The following GARNL3 variants were observed in gnomAD, a reference collection of about 807,000 sequenced individuals.
GARNL3 encodes the protein GTPase activating Rap/RanGAP domain like 3.
GARNL3 carries 63 observed loss-of-function variants against 125.0 expected under a neutral mutation model. The ratio of observed to expected loss-of-function variants is 0.50; its 90% CI spans 0.41 to 0.62. The LOEUF is 0.62. Among genes scored for constraint, GARNL3 ranks in the 20% least tolerant of loss-of-function variants. The pLI is 0.00. For missense variants in GARNL3, 994 were observed against 1,244.0 expected (o/e 0.80, Z 3.02); for synonymous variants, 439 against 457.5 (o/e 0.96, Z 0.52).
chr9:127,306,746 G>C lies in GARNL3; in HGVS notation c.220-4890G>C, dbSNP rs936124248. Among the ~76,000 whole-genome samples the C allele has an allele frequency of 4.0e-5, 6 of 151,498 alleles. No individual in the cohort carries two copies. In the South Asian group the frequency reaches 1.3e-3, roughly 32 times the overall value. On this transcript the variant is annotated intron_variant, in intron 2 of 27. Transcript: ENST00000373387. ...TGTCTCAAAAAAAAAAAAAAAGCTG[G>C]TGTGGTGGCACACACCTGTAATCCT...
intron 1 of GARNL3, among the ~76,000 whole-genome samples, chr9:127,231,228 G>GTTT (rs34963289): frequency 0.024 from 2,393 of 100,450 alleles, 95 homozygotes; most frequent in South Asian, 0.046. Flanking sequence ...CTAATTTTTT[G>GTTT]TTTTTTTTTT....
intron 17 of GARNL3, among the ~76,000 whole-genome samples, chr9:127,349,913 C>T (rs1588907285): frequency 6.6e-6 from 1 of 152,176 alleles, no homozygotes; most frequent in Admixed American, 6.5e-5. Context: ...ACATAATGGC[C>T]TAAAACTGTG....
At chr9:127,293,845 A>G (rs2064501105) in intron 2 of GARNL3, among the ~76,000 whole-genome samples, 1 of 152,230 alleles carries the variant, frequency 6.6e-6, no homozygotes, top group South Asian at 2.1e-4. Flanking sequence ...CTTTTGCCAG[A>G]TAGATACCTT....
chr9:127,266,319 G>A lies in GARNL3; in HGVS notation c.144+1298G>A, dbSNP rs2063705228. On this transcript the variant is annotated intron_variant, in intron 1 of 27. Transcript: ENST00000373387. This position sits in a 1 kb window ranked among gnomAD's most constrained non-coding sequence, Gnocchi z 4.0. ...GAGAGCTGTGGGATGTGGATTGGTG[G>A]CAGAGAGGATAGACAGTAGGTATGA... Among the ~76,000 whole-genome samples, 2 of 152,330 alleles carry A rather than the reference G, an allele frequency of 1.3e-5. No homozygotes were observed. The highest frequency in any genetic ancestry group is 3.9e-4 in the East Asian group (2 of 5,178).
At chr9:127,265,132 G>C in intron 1 of GARNL3, 111 bp downstream of exon 1, 1 of 823,004 alleles carries the variant, frequency 1.2e-6, no homozygotes, top group Non-Finnish European at 1.8e-6. Flanking sequence ...TGTGGGTACA[G>C]TGTAAGGATT....
chr9:127,266,434 C>T lies in GARNL3; in HGVS notation c.144+1413C>T, dbSNP rs576535950. Among the ~76,000 whole-genome samples the T allele has an allele frequency of 2.4e-4, 37 of 152,324 alleles. No homozygotes were observed. The highest frequency in any genetic ancestry group is 3.4e-3 in the Middle Eastern group (1 of 294). ...AAGAGCTTTGTAATTACAAAGCAAG[C>T]AAGCTTTGGAATCAGGTAGGCCTGG... is the stretch of plus-strand genomic sequence containing the variant. On this transcript the variant is annotated intron_variant, in intron 1 of 27. Transcript: ENST00000373387. The surrounding 1 kb of genome is among the most constrained non-coding windows in gnomAD (Gnocchi z 4.0).
intron 21 of GARNL3, 46 bp from the exon 22 acceptor site, chr9:127,365,254 G>T (rs372864167): frequency 1.9e-5 from 28 of 1,502,020 alleles, no homozygotes; most frequent in Non-Finnish European, 2.4e-5. Context: ...CTTTTCACAG[G>T]GTCAGCATCC....
intron 7 of GARNL3, among the ~76,000 whole-genome samples, chr9:127,326,270 C>T (rs2065569189): frequency 6.6e-6 from 1 of 152,068 alleles, no homozygotes; most frequent in South Asian, 2.1e-4. Flanking sequence ...ATAAAAGCAC[C>T]ATGAGAGCGG....
At chr9:127,373,165 T>G (rs896469672) in intron 22 of GARNL3, among the ~76,000 whole-genome samples, 1 of 152,190 alleles carries the variant, frequency 6.6e-6, no homozygotes, top group African/African-American at 2.4e-5. Flanking sequence ...ACTCATAGAT[T>G]GCAAGTCCCA....
rs373539235 is a variant in GARNL3 at position 127,355,506 on chromosome 9, C to T, written c.1935+34C>T. 3.1e-6 allele frequency: 5 copies of T among 1,600,830 alleles called. No homozygotes were observed. The African/African-American group carries it at 5.4e-5, about 17-fold the overall frequency. The stretch of plus-strand genomic sequence containing the variant: ...GCTCTTTAAATCATTTATCTCCCAA[C>T]CAAGTTGTCTTGAAGCAGACTCTGT... On this transcript the variant is annotated intron_variant, in intron 20 of 27. Coordinates refer to ENST00000373387, the MANE Select transcript of GARNL3 (RefSeq NM_032293.5).
At chr9:127,276,886 A>G (rs1342870454) in intron 1 of GARNL3, among the ~76,000 whole-genome samples, 7 of 152,350 alleles carry the variant, frequency 4.6e-5, no homozygotes, top group Admixed American at 1.3e-4. Flanking sequence ...ACTTTTCACA[A>G]TGACCTAATG....
Position 127,314,965 on chromosome 9 carries a change from C to T in GARNL3, c.438+1406C>T, listed in dbSNP as rs548898345. On this transcript the variant is annotated intron_variant, in intron 4 of 27. Coordinates refer to ENST00000373387, the MANE Select transcript of GARNL3 (RefSeq NM_032293.5). ...AGAGTGTTCCAGGTAGAAGGAGCAA[C>T]AAATGTGAGACAAACAAGGGTTACT... Among the ~76,000 whole-genome samples, 4 of 152,248 alleles carry T rather than the reference C, an allele frequency of 2.6e-5. No individual in the cohort carries two copies. In the South Asian group the frequency reaches 6.2e-4, roughly 24 times the overall value.
chr9:127,260,725 C>A (rs369484854), upstream of GARNL3, among the ~76,000 whole-genome samples: 10 of 152,290 alleles, frequency 6.6e-5, no homozygotes, highest in East Asian at 1.2e-3. Flanking sequence ...AAGCGCTGGG[C>A]TGAATTGGGC....
At chr9:127,326,052 C>T (rs903542613) in intron 7 of GARNL3, among the ~76,000 whole-genome samples, 1 of 152,180 alleles carries the variant, frequency 6.6e-6, no homozygotes, top group Non-Finnish European at 1.5e-5. Flanking sequence ...CCTTATTCTT[C>T]CATCTCCTCA....
intron 1 of GARNL3, among the ~76,000 whole-genome samples, chr9:127,268,833 T>A (rs1377123412): frequency 6.6e-6 from 1 of 152,210 alleles, no homozygotes; most frequent in Non-Finnish European, 1.5e-5. Flanking sequence ...CTCCTATAAG[T>A]GAAATCATAC....
In GARNL3 at chr9:127,313,518, C is replaced by A; in HGVS notation, c.397C>A (p.Gln133Lys). 6.2e-7 allele frequency: 1 copy of A among 1,613,976 alleles called. No homozygotes were observed. Among genetic ancestry groups the A allele is most frequent in the Non-Finnish European group, 8.5e-7 (1 of 1,179,870 alleles). Residue 133 changes from glutamine to lysine, a missense_variant, in exon 4 of 28, where the codon CAA (glutamine) becomes AAA (lysine). Physicochemically the swap from Gln to Lys is moderately conservative, Grantham distance 53. Coordinates refer to ENST00000373387, the MANE Select transcript of GARNL3 (RefSeq NM_032293.5). Reference protein sequence around the residue: ...LSVTLSDQNNQRVPQYRAILW... With the variant: ...LSVTLSDQNNKRVPQYRAILW... ...CGTGACCCTTTCTGACCAAAACAAT[C>A]AACGTGTCCCTCAATACCGTGCAAT...
chr9:127,265,035 G>A lies in GARNL3; in HGVS notation c.144+14G>A. On this transcript the variant is annotated intron_variant, in intron 1 of 27. Coordinates refer to ENST00000373387, the MANE Select transcript of GARNL3 (RefSeq NM_032293.5). ...TCTGTGGAGCTGGTAAGTTTATGCT[G>A]TCTGTTCAGTGGTAGTACATTGATT... 1.9e-6 allele frequency: 3 copies of A among 1,608,066 alleles called. No individual in the cohort carries two copies. Among genetic ancestry groups the A allele is most frequent in the Non-Finnish European group, 2.6e-6 (3 of 1,176,126 alleles).
Position 127,385,191 on chromosome 9 carries a change from G to A in GARNL3, c.2388+46G>A, listed in dbSNP as rs534702583. On this transcript the variant is annotated intron_variant, in intron 24 of 27. Transcript: ENST00000373387. The surrounding 1 kb of genome is among the most constrained non-coding windows in gnomAD (Gnocchi z 4.1). Reference sequence around the variant, plus strand: ...ATCTCTGAGTGGTTTGGGGGACCCCGGCACTGTGGGATTTCAGGTGAGCAC... The same window carrying A: ...ATCTCTGAGTGGTTTGGGGGACCCCAGCACTGTGGGATTTCAGGTGAGCAC... The A allele has an allele frequency of 1.5e-5, 18 of 1,218,682 alleles. No individual in the cohort carries two copies. The highest frequency in any genetic ancestry group is 1.1e-4 in the African/African-American group (7 of 66,536). The allele number at this position is 1,218,682 out of a possible 1,614,324, so 75.5% of individuals were successfully genotyped here.
chr9:127,330,675 A>C (rs1258752654), intron 7 of GARNL3, among the ~76,000 whole-genome samples: 1 of 152,152 alleles, frequency 6.6e-6, no homozygotes, highest in Admixed American at 6.5e-5. Context: ...CCGATGGAGA[A>C]TAACAGCAGG....
Sources: gnomAD v4.1 joint callset for allele counts (sites outside exome capture counted in the v4.1 genomes callset) on GRCh38, gnomAD v4.1.1 for gene constraint, Gnocchi (gnomAD v3.1) non-coding constraint, MANE v1.5 for transcripts, NCBI Gene and HGNC (gene_info 2026-07-23, HGNC 2026-07-21) for gene names.